ADAM2: variants seen among roughly 807,000 people sequenced by gnomAD.
The protein encoded by ADAM2 is disintegrin and metalloproteinase domain-containing protein 2.
Under a neutral mutation model 99.3 loss-of-function variants are expected in ADAM2, and 101 were observed. That is an observed-to-expected ratio of 1.02 (90% CI 0.87 to 1.20). The LOEUF (loss-of-function observed/expected upper bound fraction) is 1.20, where lower values mean the gene tolerates loss of function less well. Among genes scored for constraint, ADAM2 ranks in the 50% most tolerant of loss-of-function variants. ADAM2 has a pLI of 0.00. For synonymous variants in ADAM2, 323 were observed against 287.6 expected (o/e 1.12, Z -1.25); for missense variants, 948 against 878.7 (o/e 1.08, Z -1.00).
At chr8:39,832,376 G>C (rs1805653224) in intron 3 of ADAM2, among the ~76,000 whole-genome samples, 1 of 152,134 alleles carries the variant, frequency 6.6e-6, no homozygotes, top group Admixed American at 6.5e-5. Flanking sequence ...GACAGGGCTT[G>C]ACATAGACCA....
chr8:39,787,632 G>A (rs1803525278), intron 9 of ADAM2, among the ~76,000 whole-genome samples: 1 of 150,978 alleles, frequency 6.6e-6, no homozygotes, highest in Non-Finnish European at 1.5e-5. Flanking sequence ...CTATTAAATA[G>A]AAAGGAAGGC....
chr8:39,782,907 C>T (rs1169214785), intron 10 of ADAM2, among the ~76,000 whole-genome samples: 2 of 152,020 alleles, frequency 1.3e-5, no homozygotes, highest in Non-Finnish European at 2.9e-5. Context: ...TACTTTATAG[C>T]GTCTCTTAGC....
intron 11 of ADAM2, among the ~76,000 whole-genome samples, chr8:39,771,096 G>A (rs150681221): frequency 2.0e-4 from 31 of 152,222 alleles, no homozygotes; most frequent in African/African-American, 7.0e-4. Context: ...CAACTCCTCC[G>A]AGGTCATTCT....
rs1000205684 is a variant in ADAM2, at chr8:39,780,264, C to T, written c.892-3103G>A. Among the ~76,000 whole-genome samples the T allele has an allele frequency of 2.6e-5, 4 of 152,184 alleles. No individual in the cohort carries two copies. The East Asian group carries it at 5.8e-4, about 22-fold the overall frequency. Reference sequence around the variant, plus strand: ...CTCACCCCCATGATTCAATACCTCCCACCGGGTCCCTCCCATGACACATGG... The same window carrying T: ...CTCACCCCCATGATTCAATACCTCCTACCGGGTCCCTCCCATGACACATGG... On this transcript the variant is annotated intron_variant, in intron 10 of 20. Transcript: ENST00000265708.
intron 17 of ADAM2, 101 bp downstream of exon 17, chr8:39,749,566 T>G (rs1480590888): frequency 2.5e-5 from 23 of 935,732 alleles, no homozygotes; most frequent in Admixed American, 5.6e-5. Context: ...TATGTTTTGG[T>G]GTGTGTGTGT....
At chr8:39,765,624 C>T (rs956718088) in intron 14 of ADAM2, among the ~76,000 whole-genome samples, 1 of 152,166 alleles carries the variant, frequency 6.6e-6, no homozygotes, top group Non-Finnish European at 1.5e-5. Flanking sequence ...TTCTTTCTTT[C>T]TGCCTTTCTG....
chr8:39,821,482 T>G, intron 5 of ADAM2, 104 bp downstream of exon 5: 1 of 877,444 alleles, frequency 1.1e-6, no homozygotes, highest in Non-Finnish European at 1.7e-6. Context: ...TTTTCCACAA[T>G]AGTCATGCCA....
chr8:39,750,843 G>T (rs661832), intron 16 of ADAM2, among the ~76,000 whole-genome samples: 2 of 152,086 alleles, frequency 1.3e-5, no homozygotes, highest in South Asian at 2.1e-4. Flanking sequence ...ATCAAATAAT[G>T]CTATGTTTCA....
At chr8:39,760,011 C>T (rs1563339158) in intron 15 of ADAM2, among the ~76,000 whole-genome samples, 1 of 152,172 alleles carries the variant, frequency 6.6e-6, no homozygotes, top group East Asian at 1.9e-4. Context: ...GGATTACAGG[C>T]AACCGCCATC....
chr8:39,808,922 T>A (rs1016200860), intron 7 of ADAM2, among the ~76,000 whole-genome samples: 1 of 151,880 alleles, frequency 6.6e-6, no homozygotes, highest in African/African-American at 2.4e-5. Context: ...TCACAAAAAA[T>A]AAATAAATAA....
In ADAM2 at chr8:39,805,551, A is replaced by G. The variant is rs548370563; in HGVS notation, c.570+3859T>C. ...CAAAGGAATACAAAACTTTAAGAATAATTTATTAAAGAAAAACTATTAATG... is the reference window on the plus strand; with the variant it reads ...CAAAGGAATACAAAACTTTAAGAATGATTTATTAAAGAAAAACTATTAATG... On this transcript the variant is annotated intron_variant, in intron 7 of 20. Transcript: ENST00000265708. 2.4e-4 allele frequency among the ~76,000 whole-genome samples: 36 copies of G among 152,330 alleles called. No individual in the cohort carries two copies. In the South Asian group the frequency reaches 5.0e-3, roughly 21 times the overall value.
At chr8:39,820,443 C>G (rs1805129726) in intron 6 of ADAM2, among the ~76,000 whole-genome samples, 1 of 152,140 alleles carries the variant, frequency 6.6e-6, no homozygotes, top group South Asian at 2.1e-4. Flanking sequence ...CAGTGGGATC[C>G]TGAAAATTGG....
At chr8:39,800,407 T>C (rs1290795899) in intron 7 of ADAM2, among the ~76,000 whole-genome samples, 1 of 152,254 alleles carries the variant, frequency 6.6e-6, no homozygotes, top group Non-Finnish European at 1.5e-5. Context: ...GTTAGTCTGA[T>C]GGGCTTCCCT....
chr8:39,828,377 TACTC>T (rs1164362336), intron 3 of ADAM2, among the ~76,000 whole-genome samples: 4 of 151,822 alleles, frequency 2.6e-5, no homozygotes, highest in African/African-American at 4.8e-5. Context: ...TAGATTCAAT[TACTC>T]AAGAGTTGAT....
At chr8:39,744,983 A>C in intron 19 of ADAM2, 90 bp from the exon 20 acceptor site, 1 of 1,009,172 alleles carries the variant, frequency 9.9e-7, no homozygotes, top group East Asian at 2.5e-5. Context: ...AACAGTTCTG[A>C]ATTTTTACCT....
rs1466181495 is a variant in ADAM2, at chr8:39,776,336, G to A, written c.1028+689C>T. Among the ~76,000 whole-genome samples the A allele has an allele frequency of 5.9e-5, 9 of 152,180 alleles. No homozygotes were observed. The East Asian group carries it at 1.7e-3, about 29-fold the overall frequency. ...CAAATATTTTAGGGAGCAGCAGTGC[G>A]GGAATGGAGACAGTGAGATGTTTCC... is the stretch of plus-strand genomic sequence containing the variant. On this transcript the variant is annotated intron_variant, in intron 11 of 20. Coordinates refer to ENST00000265708, the MANE Select transcript of ADAM2 (RefSeq NM_001464.5).
chr8:39,805,223 C>A (rs939971362), intron 7 of ADAM2, among the ~76,000 whole-genome samples: 2 of 152,160 alleles, frequency 1.3e-5, no homozygotes, highest in African/African-American at 2.4e-5. Context: ...CCTCTTAATA[C>A]CATCACATTG....
chr8:39,790,317 T>G (rs532902847), intron 7 of ADAM2, among the ~76,000 whole-genome samples: 24 of 152,000 alleles, frequency 1.6e-4, no homozygotes, highest in Middle Eastern at 3.4e-3. Context: ...GTAATCAAAT[T>G]GCGACACAAT....
At chr8:39,769,022 T>A (rs1802674724) in intron 12 of ADAM2, among the ~76,000 whole-genome samples, 1 of 152,160 alleles carries the variant, frequency 6.6e-6, no homozygotes, top group Non-Finnish European at 1.5e-5. Context: ...AATGCTATGG[T>A]GAGATTACAG....
Sources: allele counts gnomAD v4.1 joint callset (sites outside exome capture counted in the v4.1 genomes callset), GRCh38; gene constraint gnomAD v4.1.1; transcripts MANE v1.5; gene names NCBI Gene and HGNC (gene_info 2026-07-23, HGNC 2026-07-21).